The following DPYD variants were observed in gnomAD, a reference collection of about 807,000 sequenced individuals.
The protein encoded by DPYD is dihydropyrimidine dehydrogenase.
A neutral mutation model predicts 116.2 loss-of-function variants in DPYD; 109 were observed. The observed-to-expected ratio is 0.94, with a 90% CI of 0.80 to 1.10. The LOEUF (loss-of-function observed/expected upper bound fraction) is 1.10. DPYD is among the 50% of genes least tolerant of loss of function. The pLI is 0.00. For synonymous variants in DPYD, 440 were observed against 432.0 expected (o/e 1.02, Z -0.23); for missense variants, 1,302 against 1,254.5 (o/e 1.04, Z -0.57).
intron 11 of DPYD, among the ~76,000 whole-genome samples, chr1:97,557,907 T>C (rs1039122942): frequency 6.6e-6 from 1 of 152,216 alleles, no homozygotes; most frequent in Non-Finnish European, 1.5e-5. Context: ...AAGGTGGATA[T>C]TATCATCCTC....
chr1:97,785,681 C>CTTTTTT (rs35229030), intron 3 of DPYD, among the ~76,000 whole-genome samples: 2 of 62,540 alleles, frequency 3.2e-5, no homozygotes, highest in Non-Finnish European at 6.0e-5. Flanking sequence ...GCCACTGACT[C>CTTTTTT]TTTTTTTTTT....
chr1:97,537,339 A>G (rs965576301), intron 12 of DPYD, among the ~76,000 whole-genome samples: 3 of 152,214 alleles, frequency 2.0e-5, no homozygotes, highest in African/African-American at 7.2e-5. Flanking sequence ...TACTGCCCCC[A>G]ACATAAAATA....
intron 6 of DPYD, among the ~76,000 whole-genome samples, chr1:97,692,839 G>C (rs1305634251): frequency 2.0e-5 from 3 of 152,106 alleles, no homozygotes; most frequent in South Asian, 2.1e-4. Context: ...ATATTATAGA[G>C]ATTAATTTGG....
chr1:97,652,660 C>T (rs766308138), intron 8 of DPYD, among the ~76,000 whole-genome samples: 12 of 152,190 alleles, frequency 7.9e-5, no homozygotes, highest in African/African-American at 1.2e-4. Context: ...AATTTGAGGG[C>T]GGAAGGGTGA....
intron 11 of DPYD, among the ~76,000 whole-genome samples, chr1:97,561,755 T>C (rs143250760): frequency 1.1e-4 from 17 of 152,326 alleles, no homozygotes; most frequent in African/African-American, 3.8e-4. Context: ...CCTTATAATC[T>C]AGACGAAGAA....
At chr1:97,698,851 TA>T (rs1661442251) in intron 6 of DPYD, among the ~76,000 whole-genome samples, 1 of 151,972 alleles carries the variant, frequency 6.6e-6, no homozygotes, top group African/African-American at 2.4e-5. Flanking sequence ...CATGTGATTT[TA>T]AAAATGTATA....
intron 9 of DPYD, 52 bp downstream of exon 9, chr1:97,595,007 C>T (rs1268797037): frequency 1.5e-6 from 2 of 1,294,058 alleles, no homozygotes; most frequent in Admixed American, 1.8e-5. Flanking sequence ...ATTAATTTAT[C>T]ATAAATAAAA....
chr1:97,610,987 ATG>A (rs34312119), intron 8 of DPYD, among the ~76,000 whole-genome samples: 9 of 151,482 alleles, frequency 5.9e-5, no homozygotes, highest in East Asian at 1.9e-4. Context: ...GTATATATAT[ATG>A]TGTGTGTGTG....
chr1:97,502,420 T>C (rs1462183232), intron 13 of DPYD, among the ~76,000 whole-genome samples: 3 of 152,026 alleles, frequency 2.0e-5, no homozygotes, highest in African/African-American at 7.2e-5. Flanking sequence ...GTGGCCTTAT[T>C]GGTACCAGGT....
At chr1:97,727,506 A>T (rs1252433122) in intron 4 of DPYD, among the ~76,000 whole-genome samples, 1 of 151,762 alleles carries the variant, frequency 6.6e-6, no homozygotes, top group Non-Finnish European at 1.5e-5. Context: ...TGAATAGATG[A>T]TGTGGAAATT....
chr1:97,243,054 G>A (rs1386705489), intron 18 of DPYD, among the ~76,000 whole-genome samples: 1 of 151,756 alleles, frequency 6.6e-6, no homozygotes, highest in African/African-American at 2.4e-5. Flanking sequence ...AGCAATGAAA[G>A]CAGCTACAAT....
chr1:97,838,710 T>C (rs1049418799), intron 2 of DPYD, among the ~76,000 whole-genome samples: 3 of 152,174 alleles, frequency 2.0e-5, no homozygotes, highest in African/African-American at 7.2e-5. Flanking sequence ...CCGGGCGCGG[T>C]GGCGGGCGCC....
intron 18 of DPYD, among the ~76,000 whole-genome samples, chr1:97,262,110 A>C (rs1344347529): frequency 6.6e-6 from 1 of 151,974 alleles, no homozygotes; most frequent in Admixed American, 6.6e-5. Flanking sequence ...CATGAGTGGG[A>C]ACAACATCTT....
At chr1:97,460,711 T>C (rs1486059488) in intron 13 of DPYD, among the ~76,000 whole-genome samples, 1 of 152,120 alleles carries the variant, frequency 6.6e-6, no homozygotes, top group Non-Finnish European at 1.5e-5. Context: ...TTCCCTGGAA[T>C]CTACATTAAC....
At chr1:97,368,992 A>G (rs745361479) in intron 16 of DPYD, among the ~76,000 whole-genome samples, 15 of 152,248 alleles carry the variant, frequency 9.9e-5, no homozygotes, top group Non-Finnish European at 1.6e-4. Flanking sequence ...ACAAAGGCCT[A>G]CTCGAGGTCT....
intron 1 of DPYD, among the ~76,000 whole-genome samples, chr1:97,898,713 G>A (rs574034081): frequency 6.6e-6 from 1 of 152,008 alleles, no homozygotes; most frequent in South Asian, 2.1e-4. Context: ...TCACACGGGT[G>A]GGGCTAGGTG....
chr1:97,213,741 T>C (rs1660194385), intron 19 of DPYD, among the ~76,000 whole-genome samples: 1 of 152,170 alleles, frequency 6.6e-6, no homozygotes, highest in African/African-American at 2.4e-5. Flanking sequence ...TGTCAATTGT[T>C]TGACCATAAG....
At chr1:97,495,454 C>A (rs966357370) in intron 13 of DPYD, among the ~76,000 whole-genome samples, 2 of 152,062 alleles carry the variant, frequency 1.3e-5, no homozygotes, top group African/African-American at 4.8e-5. Flanking sequence ...TGTTTTTCAA[C>A]TTTATTCATG....
At chr1:97,850,767 CA>C (rs5776385) in intron 2 of DPYD, among the ~76,000 whole-genome samples, 147,908 of 152,048 alleles carry the variant, frequency 0.97, 72,089 homozygotes, top group East Asian at 1. Context: ...AAATTGCCTA[CA>C]AAAAAACCAT....
Sources: gnomAD v4.1 joint callset for allele counts (sites outside exome capture counted in the v4.1 genomes callset) on GRCh38, gnomAD v4.1.1 for gene constraint, MANE v1.5 for transcripts, NCBI Gene and HGNC (gene_info 2026-07-23, HGNC 2026-07-21) for gene names.